Variants in ATP13A5 observed in about 807,000 individuals in gnomAD.
The protein encoded by ATP13A5 is probable cation-transporting ATPase 13A5.
ATP13A5 carries 149 observed loss-of-function variants against 150.2 expected under a neutral mutation model. The ratio of observed to expected loss-of-function variants is 0.99; its 90% confidence interval spans 0.87 to 1.14. ATP13A5 has a LOEUF of 1.14. Among genes scored for constraint, ATP13A5 ranks in the 50% most tolerant of loss-of-function variants. The pLI is 0.00. For synonymous variants in ATP13A5, 497 were observed against 522.2 expected (o/e 0.95, Z 0.66); for missense variants, 1,383 against 1,449.3 (o/e 0.95, Z 0.74).
intron 12 of ATP13A5, 91 bp from the exon 13 acceptor site, chr3:193,327,148 T>C (rs934670769): frequency 3.5e-6 from 4 of 1,152,498 alleles, no homozygotes; most frequent in Non-Finnish European, 4.9e-6. Flanking sequence ...TAAGATATTA[T>C]AGTAGATCCA....
chr3:193,319,714 C>T (rs59970983), intron 16 of ATP13A5, among the ~76,000 whole-genome samples: 2,215 of 152,226 alleles, frequency 0.015, 47 homozygotes, highest in Admixed American at 0.052. Flanking sequence ...GAACAGACCT[C>T]AGGACTGGGG....
chr3:193,326,982 C>A lies in ATP13A5; in HGVS notation c.1523+14G>T. 6.2e-7 allele frequency: 1 copy of A among 1,613,048 alleles called. No individual in the cohort carries two copies. Among genetic ancestry groups the A allele is most frequent in the South Asian group, 1.1e-5 (1 of 91,010 alleles). On this transcript the variant is annotated intron_variant, in intron 13 of 29. Transcript: ENST00000342358. ...CCACCAAACACACCTTCCATTTTCA[C>A]ATAAGAGGCCTACCAGTTGTCAGCA... is the stretch of plus-strand genomic sequence containing the variant.
chr3:193,339,791 C>CTT (rs370473259), intron 9 of ATP13A5, among the ~76,000 whole-genome samples: 1 of 150,684 alleles, frequency 6.6e-6, no homozygotes, highest in African/African-American at 2.4e-5. Flanking sequence ...AGATCATTTC[C>CTT]TTTTTTTTTG....
At chr3:193,354,996 G>T (rs1280217973) in intron 5 of ATP13A5, among the ~76,000 whole-genome samples, 2 of 148,544 alleles carry the variant, frequency 1.3e-5, no homozygotes, top group East Asian at 2.0e-4. Flanking sequence ...GCAATGGCAC[G>T]ATCTCGGTTC....
intron 1 of ATP13A5, among the ~76,000 whole-genome samples, chr3:193,378,376 C>A (rs894991382): frequency 2.6e-5 from 4 of 152,196 alleles, no homozygotes; most frequent in Non-Finnish European, 4.4e-5. Flanking sequence ...CCACTGAGCA[C>A]CATGCGGGGC....
rs1657059682 is a variant in ATP13A5, at chr3:193,293,181, T to TCTCAAAAATTAAAAGAACAAA, written c.2849-3123_2849-3122insTTTGTTCTTTTAATTTTTGAG. 5.3e-5 allele frequency among the ~76,000 whole-genome samples: 8 copies of TCTCAAAAATTAAAAGAACAAA among 152,216 alleles called. No homozygotes were observed. In the South Asian group the frequency reaches 1.7e-3, roughly 32 times the overall value. ...TTCTCCACTCTACAGCATATTGCAGTATGATGCATCTCAAAAATTAAAAGA... is the reference window on the plus strand; with the variant it reads ...TTCTCCACTCTACAGCATATTGCAGTCTCAAAAATTAAAAGAACAAAATGATGCATCTCAAAAATTAAAAGA... On this transcript the variant is annotated intron_variant, in intron 25 of 29. Coordinates refer to ENST00000342358, the MANE Select transcript of ATP13A5 (RefSeq NM_198505.4).
At chr3:193,363,684 T>C (rs1052600203) in intron 2 of ATP13A5, among the ~76,000 whole-genome samples, 2 of 152,210 alleles carry the variant, frequency 1.3e-5, no homozygotes, top group African/African-American at 2.4e-5. Context: ...AAGCTTTCTA[T>C]CCAGAAAATA....
intron 15 of ATP13A5, among the ~76,000 whole-genome samples, 184 bp downstream of exon 15, chr3:193,322,307 G>C (rs575519329): frequency 5.1e-4 from 78 of 152,150 alleles, no homozygotes; most frequent in Admixed American, 1.6e-3. Flanking sequence ...ATGCCCTAGC[G>C]TACACAGGTA....
intron 1 of ATP13A5, among the ~76,000 whole-genome samples, chr3:193,375,960 T>C (rs1713626232): frequency 6.6e-6 from 1 of 152,166 alleles, no homozygotes; most frequent in Non-Finnish European, 1.5e-5. Flanking sequence ...TCACAACGGA[T>C]TGTTCACTTG....
intron 5 of ATP13A5, among the ~76,000 whole-genome samples, chr3:193,355,956 G>A (rs1405282797): frequency 6.6e-6 from 1 of 152,192 alleles, no homozygotes; most frequent in Admixed American, 6.5e-5. Flanking sequence ...AAATGTGGGA[G>A]CAGAGAGGCC....
chr3:193,280,299 G>C (rs187703950), intron 27 of ATP13A5, among the ~76,000 whole-genome samples: 1 of 151,992 alleles, frequency 6.6e-6, no homozygotes, highest in Non-Finnish European at 1.5e-5. Flanking sequence ...CGATCCACCC[G>C]CCTCGGCCTC....
chr3:193,329,945 A>C (rs1711566698), intron 12 of ATP13A5, among the ~76,000 whole-genome samples: 1 of 152,182 alleles, frequency 6.6e-6, no homozygotes, highest in Non-Finnish European at 1.5e-5. Flanking sequence ...CTTCTTAAAA[A>C]GTAAAGGCTC....
chr3:193,315,289 G>A (rs1387177591), intron 17 of ATP13A5, among the ~76,000 whole-genome samples, 193 bp from the exon 18 acceptor site: 1 of 152,000 alleles, frequency 6.6e-6, no homozygotes, highest in African/African-American at 2.4e-5. Flanking sequence ...CTCCTTCCTA[G>A]AGGCAACCAC....
intron 12 of ATP13A5, among the ~76,000 whole-genome samples, chr3:193,327,324 G>T (rs1719501660): frequency 6.6e-6 from 1 of 152,158 alleles, no homozygotes; most frequent in South Asian, 2.1e-4. Context: ...TTTTGGTTTG[G>T]TTTGTGTATT....
Position 193,274,940 on chromosome 3 carries a change from TGGAGAGAGGAAAGGTA to T in ATP13A5, c.*86_*101del. 6.8e-7 allele frequency: 1 copy of T among 1,472,752 alleles called. No homozygotes were observed. Among genetic ancestry groups the T allele is most frequent in the Non-Finnish European group, 9.2e-7 (1 of 1,083,726 alleles). The allele number at this position is 1,472,752 out of a possible 1,614,324, so 91.2% of individuals were successfully genotyped here. On this transcript the variant is annotated 3_prime_UTR_variant, in exon 30 of 30. Coordinates refer to ENST00000342358, the MANE Select transcript of ATP13A5 (RefSeq NM_198505.4). ...TGAAAATATACTTTGAATGCTTGAA[TGGAGAGAGGAAAGGTA>T]AGGGGAGAGTATCATCACTTCTCCA...
In ATP13A5 at chr3:193,364,994, C is replaced by A. The variant is rs144331184; in HGVS notation, c.64-714G>T. ...GATTCTAGAAGGAAAAATTGCCAAA[C>A]AATAGATTTGCTTATTGAAGGCCAA... On this transcript the variant is annotated intron_variant, in intron 1 of 29. Coordinates refer to ENST00000342358, the MANE Select transcript of ATP13A5 (RefSeq NM_198505.4). Among the ~76,000 whole-genome samples the A allele has an allele frequency of 3.9e-4, 60 of 152,220 alleles. No individual in the cohort carries two copies. In the East Asian group the frequency reaches 0.012, roughly 29 times the overall value.
At chr3:193,360,925 C>A (rs1239908429) in intron 5 of ATP13A5, among the ~76,000 whole-genome samples, 3 of 152,160 alleles carry the variant, frequency 2.0e-5, no homozygotes, top group African/African-American at 7.2e-5. Context: ...GAACCACCCG[C>A]CTTGGCCTCC....
chr3:193,357,731 G>GTT (rs1465248125), intron 5 of ATP13A5, among the ~76,000 whole-genome samples: 2 of 152,180 alleles, frequency 1.3e-5, no homozygotes, highest in Non-Finnish European at 2.9e-5. Context: ...TAGAAGAAGA[G>GTT]TTGCTTTGGA....
intron 11 of ATP13A5, 148 bp from the exon 12 acceptor site, chr3:193,331,459 G>A: frequency 1.5e-6 from 1 of 688,330 alleles, no homozygotes. Context: ...CCCCTTTCCT[G>A]GTTCTGTTTC....
Sources: allele counts gnomAD v4.1 joint callset (sites outside exome capture counted in the v4.1 genomes callset), GRCh38; gene constraint gnomAD v4.1.1; transcripts MANE v1.5; gene names NCBI Gene and HGNC (gene_info 2026-07-23, HGNC 2026-07-21).